Variants in UGT1A9 observed in about 807,000 individuals in gnomAD.
The protein encoded by UGT1A9 is UDP-glucuronosyltransferase 1A9.
Under a neutral mutation model 45.0 loss-of-function variants are expected in UGT1A9, and 35 were observed. The observed-to-expected ratio is 0.78, with a 90% confidence interval of 0.59 to 1.03. The LOEUF is 1.03. UGT1A9 is among the 50% of genes least tolerant of loss of function. The pLI is 0.00. For missense variants in UGT1A9, 687 were observed against 666.6 expected, an observed-to-expected ratio of 1.03 and a Z score of -0.34; for synonymous variants, 278 against 250.6, an observed-to-expected ratio of 1.11 and a Z score of -1.03.
intron 1 of UGT1A9, chr2:233,690,816 C>G: frequency 2.8e-6 from 3 of 1,075,614 alleles, no homozygotes; most frequent in African/African-American, 3.4e-5. Flanking sequence ...TTAGTACAGT[C>G]AAAGCTCACA....
chr2:233,718,918 T>G (rs778450561), intron 1 of UGT1A9: 2 of 1,614,094 alleles, frequency 1.2e-6, no homozygotes, highest in Non-Finnish European at 1.7e-6. Context: ...AAGGTGTTGG[T>G]GGTGCCCACT....
At chr2:233,685,221 C>T (rs45498701) in intron 1 of UGT1A9, among the ~76,000 whole-genome samples, 4,353 of 152,090 alleles carry the variant, frequency 0.029, 192 homozygotes, top group African/African-American at 0.099. Context: ...TTAATAGAGA[C>T]GGGGTTTCAC....
rs1285354199 is a variant in UGT1A9 at position 233,768,247 on chromosome 2, C to T, written c.1103C>T (p.Thr368Ile). The part of the protein sequence containing the change: ...LGHPMTRAFI[T>I]HAGSHGVYES... ...CACCCGATGACCCGTGCCTTTATCA[C>T]CCATGCTGGTTCCCATGGTGTTTAT... Residue 368 changes from threonine to isoleucine, a missense_variant, in exon 4 of 5, where the codon ACC (threonine) becomes ATC (isoleucine). By Grantham distance (89) the Thr-to-Ile change is moderately conservative (BLOSUM62 -1). Coordinates refer to ENST00000354728, the MANE Select transcript of UGT1A9 (RefSeq NM_021027.3). 4 of 1,614,056 alleles carry T rather than the reference C, an allele frequency of 2.5e-6. No individual in the cohort carries two copies. Among genetic ancestry groups the T allele is most frequent in the Non-Finnish European group, 3.4e-6 (4 of 1,180,046 alleles).
chr2:233,729,788 C>T (rs377448970), intron 1 of UGT1A9: 5 of 1,613,954 alleles, frequency 3.1e-6, no homozygotes, highest in Non-Finnish European at 3.4e-6. Flanking sequence ...CTGGCCCTGT[C>T]CTACATTTGC....
At chr2:233,743,311 A>AT (rs1692260590) in intron 1 of UGT1A9, 3 of 650,626 alleles carry the variant, frequency 4.6e-6, no homozygotes, top group Non-Finnish European at 7.4e-6. Flanking sequence ...CTTGGTGGTG[A>AT]TTTTTTTACC....
At chr2:233,691,734 G>A in intron 1 of UGT1A9, 2 of 735,248 alleles carry the variant, frequency 2.7e-6, no homozygotes, top group Non-Finnish European at 3.3e-6. Flanking sequence ...TGGGCCAGAA[G>A]CAGATACCAG....
At chr2:233,690,756 G>GACACAC (rs549764192) in intron 1 of UGT1A9, 2 of 1,106,976 alleles carry the variant, frequency 1.8e-6, no homozygotes, top group African/African-American at 4.7e-5. Flanking sequence ...GTCCAGTGCA[G>GACACAC]ACATACACAC....
At chr2:233,715,729 G>A (rs754544247) in intron 1 of UGT1A9, among the ~76,000 whole-genome samples, 1 of 152,122 alleles carries the variant, frequency 6.6e-6, no homozygotes, top group Non-Finnish European at 1.5e-5. Flanking sequence ...CCATGTTCAC[G>A]CCACCTCACT....
At chr2:233,743,379 G>A (rs553930129) in intron 1 of UGT1A9, 50 of 1,176,986 alleles carry the variant, frequency 4.2e-5, no homozygotes, top group South Asian at 3.5e-4. Flanking sequence ...CATCACTACC[G>A]TAGGACATGC....
chr2:233,749,993 A>G (rs1274473533), intron 1 of UGT1A9, among the ~76,000 whole-genome samples: 2 of 151,856 alleles, frequency 1.3e-5, no homozygotes, highest in African/African-American at 4.9e-5. Context: ...GGACTAATAT[A>G]TTAAATTGGT....
intron 1 of UGT1A9, chr2:233,719,173 A>C: frequency 1.9e-6 from 3 of 1,614,262 alleles, no homozygotes; most frequent in Non-Finnish European, 2.5e-6. Flanking sequence ...GCAATTATGA[A>C]CAATGTATCT....
At chr2:233,696,632 A>G (rs1267389577) in intron 1 of UGT1A9, among the ~76,000 whole-genome samples, 1 of 151,990 alleles carries the variant, frequency 6.6e-6, no homozygotes, top group Non-Finnish European at 1.5e-5. Context: ...CTCTTGCTTA[A>G]TTGCTTTGGA....
At chr2:233,696,995 T>G (rs1443377070) in intron 1 of UGT1A9, among the ~76,000 whole-genome samples, 1 of 152,182 alleles carries the variant, frequency 6.6e-6, no homozygotes, top group Non-Finnish European at 1.5e-5. Flanking sequence ...TTCGTTGAGA[T>G]TTTTGCATCT....
chr2:233,769,698 G>T lies in UGT1A9; in HGVS notation c.1295+1259G>T. 1.3e-6 allele frequency: 2 copies of T among 1,529,982 alleles called. No individual in the cohort carries two copies. Among genetic ancestry groups the T allele is most frequent in the Non-Finnish European group, 1.8e-6 (2 of 1,137,522 alleles). The allele number at this position is 1,529,982 out of a possible 1,614,324, so 94.8% of individuals were successfully genotyped here. A position where few individuals can be genotyped will look rare whatever the true frequency, so the allele number is the denominator to read the frequency against. On this transcript the variant is annotated intron_variant, in intron 4 of 4. Coordinates refer to ENST00000354728, the MANE Select transcript of UGT1A9 (RefSeq NM_021027.3). The surrounding 1 kb of genome is among the most constrained non-coding windows in gnomAD (Gnocchi z 4.4). ...GTGTGTGTGGTGGCACTGGATAAAA[G>T]ATCAATGTTGGCTAGGCACCATGGC...
chr2:233,704,079 C>G lies in UGT1A9; in HGVS notation c.855+31290C>G, dbSNP rs1447811434. Reference sequence around the variant, plus strand: ...CTAATTTTTGTATTTTTTATAGAGACAGAGTTTTGCCATGTTGGTCAGTCT... The same window carrying G: ...CTAATTTTTGTATTTTTTATAGAGAGAGAGTTTTGCCATGTTGGTCAGTCT... On this transcript the variant is annotated intron_variant, in intron 1 of 4. Transcript: ENST00000354728. Among the ~76,000 whole-genome samples, 10 of 151,988 alleles carry G rather than the reference C, an allele frequency of 6.6e-5. No individual in the cohort carries two copies. In the East Asian group the frequency reaches 1.9e-3, roughly 29 times the overall value.
At chr2:233,725,719 T>C (rs1457326053) in intron 1 of UGT1A9, among the ~76,000 whole-genome samples, 1 of 152,208 alleles carries the variant, frequency 6.6e-6, no homozygotes, top group Non-Finnish European at 1.5e-5. Context: ...TACCATATGG[T>C]CAATGTTTAC....
chr2:233,718,197 CT>C (rs1159094218), intron 1 of UGT1A9, among the ~76,000 whole-genome samples: 1 of 152,036 alleles, frequency 6.6e-6, no homozygotes, highest in Non-Finnish European at 1.5e-5. Flanking sequence ...CTCCCCGGAG[CT>C]TTTTTTTATA....
At chr2:233,695,416 G>A (rs2075286623) in intron 1 of UGT1A9, among the ~76,000 whole-genome samples, 1 of 143,254 alleles carries the variant, frequency 7.0e-6, no homozygotes, top group Non-Finnish European at 1.6e-5. Context: ...GAGCTACCGC[G>A]CCCGGCCTTC....
At chr2:233,727,507 A>C (rs2077622461) in intron 1 of UGT1A9, among the ~76,000 whole-genome samples, 2 of 152,166 alleles carry the variant, frequency 1.3e-5, no homozygotes, top group African/African-American at 4.8e-5. Flanking sequence ...GGAGCCCATG[A>C]ATGTGGGAAG....
Sources: gnomAD v4.1 joint callset for allele counts (sites outside exome capture counted in the v4.1 genomes callset) on GRCh38, gnomAD v4.1.1 for gene constraint, Gnocchi (gnomAD v3.1) non-coding constraint, MANE v1.5 for transcripts, NCBI Gene and HGNC (gene_info 2026-07-23, HGNC 2026-07-21) for gene names.